Variants in TRHDE observed in about 807,000 individuals in gnomAD.
TRHDE encodes thyrotropin releasing hormone degrading enzyme, also known as thyrotropin-releasing hormone-degrading ectoenzyme.
In TRHDE, 72 loss-of-function variants were observed where a neutral mutation model predicts 125.7. The observed-to-expected ratio is 0.57, with a 90% CI of 0.47 to 0.70. The LOEUF (loss-of-function observed/expected upper bound fraction) is 0.70, where lower values mean the gene tolerates loss of function less well. Ranked by LOEUF, TRHDE falls within the 30% of genes least tolerant of loss-of-function variation. The pLI, the probability that TRHDE is intolerant of heterozygous loss-of-function variation, is 0.00. For missense variants in TRHDE, 1,110 were observed against 1,327.1 expected (o/e 0.84, Z 2.54); for synonymous variants, 509 against 509.1 (o/e 1.00, Z 0.00).
chr12:72,183,949 TA>T (rs1222395892), intron 2 of TRHDE, among the ~76,000 whole-genome samples: 2 of 152,256 alleles, frequency 1.3e-5, no homozygotes, highest in African/African-American at 4.8e-5. Flanking sequence ...CACTCAAAAA[TA>T]AAAACCAGTG....
intron 12 of TRHDE, among the ~76,000 whole-genome samples, chr12:72,614,674 G>C (rs1471569191): frequency 6.6e-6 from 1 of 151,972 alleles, no homozygotes; most frequent in South Asian, 2.1e-4. Flanking sequence ...ATGCTCCAAA[G>C]AATCTGAGAA....
intron 2 of TRHDE, among the ~76,000 whole-genome samples, chr12:72,142,801 G>A (rs1592456518): frequency 2.0e-5 from 3 of 152,042 alleles, no homozygotes; most frequent in African/African-American, 7.2e-5. Flanking sequence ...GAGTTCAGTA[G>A]GGGACAGTCA....
intron 2 of TRHDE, among the ~76,000 whole-genome samples, chr12:72,266,565 C>T (rs753671775): frequency 2.0e-5 from 3 of 151,158 alleles, no homozygotes; most frequent in Non-Finnish European, 3.0e-5. Flanking sequence ...TTAACAAACA[C>T]GTAGCACTTA....
At chr12:72,628,284 A>T (rs1165756134) in intron 15 of TRHDE, among the ~76,000 whole-genome samples, 1 of 151,908 alleles carries the variant, frequency 6.6e-6, no homozygotes, top group South Asian at 2.1e-4. Flanking sequence ...TTGACCTGTC[A>T]GTAAAAAGTT....
intron 2 of TRHDE, among the ~76,000 whole-genome samples, chr12:72,316,937 A>G (rs1868831424): frequency 6.6e-6 from 1 of 152,170 alleles, no homozygotes; most frequent in African/African-American, 2.4e-5. Flanking sequence ...GAATAGAGTA[A>G]TTTTTAAAGA....
At chr12:72,371,471 A>T (rs1454871458) in intron 2 of TRHDE, among the ~76,000 whole-genome samples, 2 of 151,662 alleles carry the variant, frequency 1.3e-5, no homozygotes, top group Non-Finnish European at 2.9e-5. Flanking sequence ...TACATGTGCC[A>T]TGCTGGTGTG....
chr12:72,121,658 T>C (rs1250038823), intron 2 of TRHDE, among the ~76,000 whole-genome samples: 3 of 151,786 alleles, frequency 2.0e-5, no homozygotes, highest in African/African-American at 7.3e-5. Flanking sequence ...CCTCTTTCAG[T>C]GATATGATGT....
intron 12 of TRHDE, among the ~76,000 whole-genome samples, chr12:72,613,833 G>A (rs2136071543): frequency 6.6e-6 from 1 of 152,156 alleles, no homozygotes; most frequent in South Asian, 2.1e-4. Flanking sequence ...ATTGTGTTAG[G>A]CCATTCTTGT....
intron 2 of TRHDE, among the ~76,000 whole-genome samples, chr12:72,358,260 C>G (rs1037043918): frequency 1.3e-5 from 2 of 151,494 alleles, no homozygotes; most frequent in Non-Finnish European, 3.0e-5. Flanking sequence ...TCTTCCACCT[C>G]TCCCAACCCT....
intron 2 of TRHDE, among the ~76,000 whole-genome samples, chr12:72,120,811 TG>T (rs1215166969): frequency 6.6e-6 from 1 of 151,754 alleles, no homozygotes; most frequent in Non-Finnish European, 1.5e-5. Flanking sequence ...CCTGAGTAGC[TG>T]GGACTACAGG....
chr12:72,506,862 C>T (rs1214737548), intron 6 of TRHDE, among the ~76,000 whole-genome samples: 8 of 152,092 alleles, frequency 5.3e-5, no homozygotes, highest in Non-Finnish European at 1.2e-4. Flanking sequence ...GAATTTGTGT[C>T]CTCAACCAAA....
chr12:72,230,510 G>A (rs912025607), intron 2 of TRHDE, among the ~76,000 whole-genome samples: 3 of 152,088 alleles, frequency 2.0e-5, no homozygotes, highest in Non-Finnish European at 4.4e-5. Flanking sequence ...AAAGCTGTCC[G>A]TAGAAGTAAA....
chr12:72,342,786 C>G (rs891972434), intron 2 of TRHDE, among the ~76,000 whole-genome samples: 2 of 152,054 alleles, frequency 1.3e-5, no homozygotes, highest in Admixed American at 1.3e-4. Context: ...TAGACAGGAA[C>G]CTTGGATGGA....
At chr12:72,548,160 C>T (rs1029311307) in intron 7 of TRHDE, among the ~76,000 whole-genome samples, 3 of 151,812 alleles carry the variant, frequency 2.0e-5, no homozygotes, top group African/African-American at 7.2e-5. Context: ...ACTTTAGGAC[C>T]CAGTGTTGTT....
At chr12:72,311,093 T>C (rs1319018621) in intron 2 of TRHDE, among the ~76,000 whole-genome samples, 1 of 152,158 alleles carries the variant, frequency 6.6e-6, no homozygotes, top group African/African-American at 2.4e-5. Context: ...CATATAGTCA[T>C]TAACCACCAC....
intron 15 of TRHDE, among the ~76,000 whole-genome samples, chr12:72,635,273 T>A (rs1029001438): frequency 6.6e-6 from 1 of 152,198 alleles, no homozygotes; most frequent in Non-Finnish European, 1.5e-5. Context: ...CATTTTTTCA[T>A]GTGTTTTTTG....
At chr12:72,287,092 G>T (rs1197834735) in intron 2 of TRHDE, 138 bp downstream of exon 2, 6 of 951,322 alleles carry the variant, frequency 6.3e-6, no homozygotes, top group East Asian at 5.4e-5. Flanking sequence ...CTTATGGGGG[G>T]GTTTTTACAT....
chr12:72,562,745 G>A (rs1870239217), intron 8 of TRHDE, 108 bp from the exon 9 acceptor site: 6 of 710,356 alleles, frequency 8.4e-6, no homozygotes, highest in Non-Finnish European at 1.3e-5. Flanking sequence ...GACTTTAAAT[G>A]TTTTCATATT....
intron 3 of TRHDE, among the ~76,000 whole-genome samples, chr12:72,413,971 A>G (rs966875309): frequency 1.2e-4 from 19 of 152,106 alleles, no homozygotes; most frequent in African/African-American, 4.6e-4. Flanking sequence ...GCTAGCTCTT[A>G]GTAAGGTGAC....
Sources: allele counts gnomAD v4.1 joint callset (sites outside exome capture counted in the v4.1 genomes callset), GRCh38; gene constraint gnomAD v4.1.1; transcripts MANE v1.5; gene names NCBI Gene and HGNC (gene_info 2026-07-23, HGNC 2026-07-21).